Variants in HCN1 observed in about 807,000 individuals in gnomAD.
The protein encoded by HCN1 is hyperpolarization activated cyclic nucleotide gated potassium channel 1, also known as potassium/sodium hyperpolarization-activated cyclic nucleotide-gated channel 1.
Under a neutral mutation model 78.9 loss-of-function variants are expected in HCN1, and 13 were observed. The ratio of observed to expected loss-of-function variants is 0.16; its 90% confidence interval spans 0.11 to 0.26. The LOEUF (loss-of-function observed/expected upper bound fraction) is 0.26, where lower values mean the gene tolerates loss of function less well. HCN1 is among the 10% of genes least tolerant of loss of function. The pLI, the probability that HCN1 is intolerant of heterozygous loss-of-function variation, is 1.00. For synonymous variants in HCN1, 552 were observed against 455.5 expected, an observed-to-expected ratio of 1.21 and a Z score of -2.70; for missense variants, 810 against 1,154.3, an observed-to-expected ratio of 0.70 and a Z score of 4.32.
chr5:45,438,080 T>C (rs74421542), intron 3 of HCN1, among the ~76,000 whole-genome samples: 1,781 of 152,262 alleles, frequency 0.012, 35 homozygotes, highest in African/African-American at 0.04. Flanking sequence ...ACTTCTAACA[T>C]ATTTTATTGG....
Position 45,386,669 on chromosome 5 carries a change from A to C in HCN1, c.1230+9823T>G, listed in dbSNP as rs139397633. Among the ~76,000 whole-genome samples, 18 of 152,274 alleles carry C rather than the reference A, an allele frequency of 1.2e-4. No individual in the cohort carries two copies. In the East Asian group the frequency reaches 3.5e-3, roughly 29 times the overall value. On this transcript the variant is annotated intron_variant, in intron 4 of 7. Transcript: ENST00000303230. ...AACTAAAAAATTGTTCAGTGCTCTA[A>C]TCAGCTCATCATTTGGAAATAAAAT...
At chr5:45,406,927 G>A (rs1214283304) in intron 3 of HCN1, among the ~76,000 whole-genome samples, 2 of 152,104 alleles carry the variant, frequency 1.3e-5, no homozygotes, top group African/African-American at 2.4e-5. Flanking sequence ...AACTTTTAAT[G>A]AATTCTTCTT....
At chr5:45,330,321 C>T (rs1463144476) in intron 5 of HCN1, among the ~76,000 whole-genome samples, 1 of 151,026 alleles carries the variant, frequency 6.6e-6, no homozygotes, top group Non-Finnish European at 1.5e-5. Context: ...TGGTCAAATA[C>T]AAGGAAGGAA....
chr5:45,534,325 G>A (rs1397209073), intron 2 of HCN1, among the ~76,000 whole-genome samples: 1 of 140,018 alleles, frequency 7.1e-6, no homozygotes, highest in Non-Finnish European at 1.5e-5. Context: ...GAATCACGGA[G>A]GCAGAGGTTG....
chr5:45,561,042 C>T (rs577260963), intron 2 of HCN1, among the ~76,000 whole-genome samples: 264 of 152,110 alleles, frequency 1.7e-3, no homozygotes, highest in African/African-American at 6.2e-3. Flanking sequence ...ACTTAGAGTG[C>T]CTTTCTTTAA....
chr5:45,316,400 G>A (rs1055484728), intron 5 of HCN1, among the ~76,000 whole-genome samples: 6 of 152,116 alleles, frequency 3.9e-5, no homozygotes, highest in Admixed American at 2.6e-4. Context: ...ATTAAGTACT[G>A]ATGGGACGTA....
At chr5:45,377,781 A>C (rs1747714598) in intron 4 of HCN1, among the ~76,000 whole-genome samples, 1 of 151,982 alleles carries the variant, frequency 6.6e-6, no homozygotes, top group African/African-American at 2.4e-5. Context: ...AGACTATAAC[A>C]AATTGGGTTG....
At chr5:45,404,497 A>G (rs1301805684) in intron 3 of HCN1, among the ~76,000 whole-genome samples, 1 of 104,832 alleles carries the variant, frequency 9.5e-6, no homozygotes, top group African/African-American at 5.4e-5. Context: ...CACTGAAAAT[A>G]ATTTTTTTTT....
chr5:45,693,852 T>C (rs1163755453), intron 1 of HCN1, among the ~76,000 whole-genome samples: 4 of 152,218 alleles, frequency 2.6e-5, no homozygotes, highest in Admixed American at 1.3e-4. Flanking sequence ...TGAAATTAAA[T>C]GTTAAAAGTT....
chr5:45,449,102 C>T (rs1400777201), intron 3 of HCN1, among the ~76,000 whole-genome samples: 1 of 152,088 alleles, frequency 6.6e-6, no homozygotes, highest in African/African-American at 2.4e-5. Context: ...AGTGACCTGT[C>T]TGAAATAAAA....
At chr5:45,443,130 T>C (rs1740716295) in intron 3 of HCN1, among the ~76,000 whole-genome samples, 1 of 152,084 alleles carries the variant, frequency 6.6e-6, no homozygotes, top group Non-Finnish European at 1.5e-5. Context: ...ATAGACAATA[T>C]TAAATTGTTT....
intron 2 of HCN1, among the ~76,000 whole-genome samples, chr5:45,520,569 C>T (rs1438560448): frequency 6.6e-6 from 1 of 151,868 alleles, no homozygotes. Flanking sequence ...CTTTCCCTGA[C>T]CCTATTATCT....
intron 2 of HCN1, among the ~76,000 whole-genome samples, chr5:45,639,636 G>T (rs1344043349): frequency 6.6e-6 from 1 of 152,054 alleles, no homozygotes; most frequent in East Asian, 1.9e-4. Flanking sequence ...TTCATAGAAG[G>T]CCTTATCATA....
intron 2 of HCN1, among the ~76,000 whole-genome samples, chr5:45,616,370 A>T (rs1057036529): frequency 1.3e-5 from 2 of 152,016 alleles, no homozygotes; most frequent in African/African-American, 2.4e-5. Context: ...AAGGGCTGAG[A>T]GTGCGCCTAA....
At chr5:45,376,708 C>T (rs761839964) in intron 4 of HCN1, among the ~76,000 whole-genome samples, 4 of 151,862 alleles carry the variant, frequency 2.6e-5, no homozygotes, top group Admixed American at 6.6e-5. Flanking sequence ...GGTTCACTGG[C>T]AGGAAATAAC....
chr5:45,288,002 G>A (rs1233622767), intron 6 of HCN1, among the ~76,000 whole-genome samples: 1 of 152,030 alleles, frequency 6.6e-6, no homozygotes, highest in Non-Finnish European at 1.5e-5. Context: ...AGTGAGGTAG[G>A]AATTAACATT....
intron 2 of HCN1, among the ~76,000 whole-genome samples, chr5:45,470,992 G>A (rs1350295396): frequency 6.6e-6 from 1 of 151,838 alleles, no homozygotes; most frequent in African/African-American, 2.4e-5. Flanking sequence ...TTGGTTAGAA[G>A]AGTAGGTACA....
At chr5:45,516,723 C>G (rs982151539) in intron 2 of HCN1, among the ~76,000 whole-genome samples, 1 of 151,860 alleles carries the variant, frequency 6.6e-6, no homozygotes, top group Non-Finnish European at 1.5e-5. Context: ...AATTGTGTCT[C>G]TGAATATTTT....
chr5:45,271,136 G>T (rs1391643118), intron 6 of HCN1, among the ~76,000 whole-genome samples: 1 of 151,938 alleles, frequency 6.6e-6, no homozygotes, highest in Non-Finnish European at 1.5e-5. Flanking sequence ...TTAACCCAAA[G>T]GTTTTCTATG....
Sources: allele counts gnomAD v4.1 joint callset (sites outside exome capture counted in the v4.1 genomes callset), GRCh38; gene constraint gnomAD v4.1.1; transcripts MANE v1.5; gene names NCBI Gene and HGNC (gene_info 2026-07-23, HGNC 2026-07-21).